The following SEMA4B variants were observed in gnomAD, a reference collection of about 807,000 sequenced individuals.
SEMA4B encodes semaphorin 4B.
SEMA4B carries 55 observed loss-of-function variants against 88.1 expected under a neutral mutation model. That is an observed-to-expected ratio of 0.62 (90% CI 0.50 to 0.78). The LOEUF (loss-of-function observed/expected upper bound fraction) is 0.78. Among genes scored for constraint, SEMA4B ranks in the 30% least tolerant of loss-of-function variants. The probability of loss-of-function intolerance (pLI) is 0.00; values close to 1 mark genes in which losing one functional copy is unlikely to be tolerated. For synonymous variants in SEMA4B, 525 were observed against 473.6 expected (o/e 1.11, Z -1.41); for missense variants, 1,062 against 1,111.9 (o/e 0.96, Z 0.64).
chr15:90,217,370 A>G (rs1360709369), intron 1 of SEMA4B, 69 bp from the exon 2 acceptor site: 3 of 1,483,138 alleles, frequency 2.0e-6, no homozygotes, highest in Non-Finnish European at 2.7e-6. Context: ...CAGTCCATCT[A>G]AAGGTTGGTG....
At chr15:90,210,258 G>C (rs115422021) in intron 1 of SEMA4B, among the ~76,000 whole-genome samples, 1,525 of 152,306 alleles carry the variant, frequency 0.01, 28 homozygotes, top group African/African-American at 0.035. Context: ...CGGTGAGGTG[G>C]TGGGAGGCAC....
chr15:90,227,849 T>C (rs1246216340), intron 13 of SEMA4B, 55 bp from the exon 14 acceptor site: 2 of 1,600,880 alleles, frequency 1.2e-6, no homozygotes, highest in East Asian at 2.2e-5. Context: ...GCAGGGGAGC[T>C]TGGAGCTACT....
intron 1 of SEMA4B, among the ~76,000 whole-genome samples, chr15:90,191,539 C>G (rs1346962666): frequency 2.0e-5 from 3 of 152,156 alleles, no homozygotes; most frequent in Non-Finnish European, 4.4e-5. Context: ...TCATAGCACT[C>G]CGTCCTAGAT....
At position 90,227,893 on chromosome 15, in the gene SEMA4B, T is replaced by C; in HGVS notation, c.1775-11T>C. 1 of 1,609,398 alleles carries C rather than the reference T, an allele frequency of 6.2e-7. No individual in the cohort carries two copies. Among genetic ancestry groups the C allele is most frequent in the Non-Finnish European group, 8.5e-7 (1 of 1,179,774 alleles). On this transcript the variant is annotated splice_polypyrimidine_tract_variant and intron_variant, in intron 13 of 13. Coordinates refer to ENST00000411539, the MANE Select transcript of SEMA4B (RefSeq NM_198925.4). ...TGGCACCCCCCTACCCCATGCCTTT[T>C]CTGCCTACAGGGGAGAAGCCATGTG...
At chr15:90,207,063 T>C in intron 1 of SEMA4B, 1 of 332,198 alleles carries the variant, frequency 3.0e-6, no homozygotes, top group South Asian at 2.9e-5. Flanking sequence ...TTCTGGGCAC[T>C]GAATACTGGA....
chr15:90,219,758 C>T lies in SEMA4B; in HGVS notation c.385-35C>T, dbSNP rs117359056. Reference sequence around the variant, plus strand: ...GGTGCCCCCTGGTGGCATGCTTGGGCGTGGGACTGATATCCCCTCGCTCCT... The same window carrying T: ...GGTGCCCCCTGGTGGCATGCTTGGGTGTGGGACTGATATCCCCTCGCTCCT... On this transcript the variant is annotated intron_variant, in intron 3 of 13. Coordinates refer to ENST00000411539, the MANE Select transcript of SEMA4B (RefSeq NM_198925.4). 8,928 of 1,550,436 alleles carry T rather than the reference C, an allele frequency of 5.8e-3. 54 individuals are homozygous for T. The highest frequency in any genetic ancestry group is 0.015 in the South Asian group (1,285 of 87,618).
intron 1 of SEMA4B, among the ~76,000 whole-genome samples, chr15:90,185,645 C>A (rs545404814): frequency 6.6e-6 from 1 of 152,176 alleles, no homozygotes; most frequent in African/African-American, 2.4e-5. Context: ...GCCCACATTT[C>A]CTCACCTGTA....
Position 90,212,643 on chromosome 15 carries a change from TACACACACAC to T in SEMA4B, c.158-4781_158-4772del, listed in dbSNP as rs3029937. The stretch of plus-strand genomic sequence containing the variant: ...CGTGGACAAGCCCTGCGGTACCGTG[TACACACACAC>T]ACACACACACACACCACAGGCAAGC... On this transcript the variant is annotated intron_variant, in intron 1 of 13. Coordinates refer to ENST00000411539, the MANE Select transcript of SEMA4B (RefSeq NM_198925.4). The surrounding 1 kb of genome is among the most constrained non-coding windows in gnomAD (Gnocchi z 4.0). Among the ~76,000 whole-genome samples, 2 of 150,034 alleles carry T rather than the reference TACACACACAC, an allele frequency of 1.3e-5. No individual in the cohort carries two copies. The highest frequency in any genetic ancestry group is 6.6e-5 in the Admixed American group (1 of 15,100).
chr15:90,213,490 G>C (rs963649331), intron 1 of SEMA4B, among the ~76,000 whole-genome samples: 2 of 152,226 alleles, frequency 1.3e-5, no homozygotes, highest in African/African-American at 4.8e-5. Context: ...TGGCTGGCTC[G>C]TTTGGAGGCC....
chr15:90,184,939 C>G (rs1960119082), upstream of SEMA4B: 2 of 985,820 alleles, frequency 2.0e-6, no homozygotes, highest in Non-Finnish European at 2.4e-6. Flanking sequence ...GACGCCGCGC[C>G]GGACTGAGGC....
chr15:90,208,829 C>A (rs138817982), intron 1 of SEMA4B, among the ~76,000 whole-genome samples: 1,674 of 151,944 alleles, frequency 0.011, 20 homozygotes, highest in African/African-American at 0.039. Flanking sequence ...GCAACCTCCA[C>A]CTCCCAGGCT....
upstream of SEMA4B, among the ~76,000 whole-genome samples, chr15:90,197,995 C>T (rs1462914029): frequency 6.7e-6 from 1 of 149,910 alleles, no homozygotes; most frequent in Non-Finnish European, 1.5e-5. Flanking sequence ...GGCGTGATCT[C>T]GGCTCACTGC....
intron 1 of SEMA4B, among the ~76,000 whole-genome samples, chr15:90,191,184 C>T (rs1960332964): frequency 6.6e-6 from 1 of 152,224 alleles, no homozygotes; most frequent in South Asian, 2.1e-4. Flanking sequence ...GTGGCCAGCT[C>T]AGGCCCCAAC....
At chr15:90,219,959 G>C in intron 4 of SEMA4B, 68 bp downstream of exon 4, 1 of 1,240,598 alleles carries the variant, frequency 8.1e-7, no homozygotes, top group East Asian at 2.3e-5. Flanking sequence ...CAGGGATCCT[G>C]TTCTGTAGCA....
intron 13 of SEMA4B, 87 bp from the exon 14 acceptor site, chr15:90,227,817 C>T (rs1268351186): frequency 1.6e-5 from 26 of 1,576,942 alleles, no homozygotes; most frequent in Non-Finnish European, 2.0e-5. Context: ...ATCGTGGCAC[C>T]AGGGGCATAG....
chr15:90,212,747 A>G lies in SEMA4B; in HGVS notation c.158-4692A>G, dbSNP rs533641829. Reference sequence around the variant, plus strand: ...GACCCAAGCACCTGGGCCCTTAGACAGTAACACCACTCACACCGAGCACAG... The same window carrying G: ...GACCCAAGCACCTGGGCCCTTAGACGGTAACACCACTCACACCGAGCACAG... On this transcript the variant is annotated intron_variant, in intron 1 of 13. Transcript: ENST00000411539. The surrounding 1 kb of genome is among the most constrained non-coding windows in gnomAD (Gnocchi z 4.0). 3.9e-5 allele frequency among the ~76,000 whole-genome samples: 6 copies of G among 152,196 alleles called. No homozygotes were observed. The highest frequency in any genetic ancestry group is 1.4e-4 in the African/African-American group (6 of 41,438).
chr15:90,214,440 C>G (rs911127429), intron 1 of SEMA4B, among the ~76,000 whole-genome samples: 1 of 151,670 alleles, frequency 6.6e-6, no homozygotes, highest in African/African-American at 2.4e-5. Context: ...GAGTTCAAGA[C>G]CAGCCTGACC....
rs1236117033 is a variant in SEMA4B, at chr15:90,201,750, C to T, written c.157+15C>T. The T allele has an allele frequency of 2.2e-6, 3 of 1,389,040 alleles. No homozygotes were observed. Among genetic ancestry groups the T allele is most frequent in the Non-Finnish European group, 1.9e-6 (2 of 1,074,406 alleles). 86.0% of individuals were successfully genotyped at this position (1,389,040 alleles called of 1,614,324 possible). On this transcript the variant is annotated intron_variant, in intron 1 of 13. Coordinates refer to ENST00000411539, the MANE Select transcript of SEMA4B (RefSeq NM_198925.4). The stretch of plus-strand genomic sequence containing the variant: ...CCTGCCTCTGGGTGAGTGCCGGGGA[C>T]CCGGGGACGCGGGCCGGGGGAAGGA...
chr15:90,213,969 A>G (rs1433666618), intron 1 of SEMA4B, among the ~76,000 whole-genome samples: 1 of 152,204 alleles, frequency 6.6e-6, no homozygotes. Flanking sequence ...TCGGTGGCTC[A>G]GCCACCTGAC....
Sources: gnomAD v4.1 joint callset for allele counts (sites outside exome capture counted in the v4.1 genomes callset) on GRCh38, gnomAD v4.1.1 for gene constraint, Gnocchi (gnomAD v3.1) non-coding constraint, MANE v1.5 for transcripts, NCBI Gene and HGNC (gene_info 2026-07-23, HGNC 2026-07-21) for gene names.